The following GABRB2 variants were observed in gnomAD, a reference collection of about 807,000 sequenced individuals.
GABRB2 encodes the protein gamma-aminobutyric acid type A receptor subunit beta2.
GABRB2 carries 16 observed loss-of-function variants against 54.7 expected under a neutral mutation model. The ratio of observed to expected loss-of-function variants is 0.29; its 90% CI spans 0.20 to 0.44. The LOEUF is 0.44. GABRB2 is among the 20% of genes least tolerant of loss of function. GABRB2 has a pLI of 1.00. For missense variants in GABRB2, 355 were observed against 644.0 expected, an observed-to-expected ratio of 0.55 and a Z score of 4.86; for synonymous variants, 244 against 233.8, an observed-to-expected ratio of 1.04 and a Z score of -0.40.
intron 3 of GABRB2, among the ~76,000 whole-genome samples, chr5:161,515,006 T>A (rs1199971224): frequency 6.6e-6 from 1 of 152,188 alleles, no homozygotes; most frequent in Non-Finnish European, 1.5e-5. Context: ...TTCATCCGTA[T>A]TTGTCAATGC....
chr5:161,529,613 T>C (rs563791877), intron 3 of GABRB2, among the ~76,000 whole-genome samples: 32 of 152,056 alleles, frequency 2.1e-4, no homozygotes, highest in Non-Finnish European at 4.7e-4. Flanking sequence ...TAGGAAATTA[T>C]TTTAAAGTTA....
At chr5:161,322,211 G>A (rs1758231120) in intron 9 of GABRB2, among the ~76,000 whole-genome samples, 1 of 151,980 alleles carries the variant, frequency 6.6e-6, no homozygotes, top group Non-Finnish European at 1.5e-5. Flanking sequence ...GCATATAGTA[G>A]GTATTCAAGA....
chr5:161,356,875 T>A (rs1238291104), intron 5 of GABRB2, among the ~76,000 whole-genome samples: 1 of 152,206 alleles, frequency 6.6e-6, no homozygotes, highest in Admixed American at 6.5e-5. Context: ...TATTCTGGGA[T>A]GTGTCTGAGA....
chr5:161,331,878 C>T (rs1395380257), intron 7 of GABRB2, among the ~76,000 whole-genome samples: 1 of 151,950 alleles, frequency 6.6e-6, no homozygotes, highest in Non-Finnish European at 1.5e-5. Context: ...GTAAAGAATG[C>T]CAGTTGGCCG....
At chr5:161,433,682 C>T (rs1757234498) in intron 4 of GABRB2, among the ~76,000 whole-genome samples, 1 of 151,312 alleles carries the variant, frequency 6.6e-6, no homozygotes, top group South Asian at 2.1e-4. Flanking sequence ...TATGAATTAC[C>T]CTCTTCTCAT....
chr5:161,518,239 G>T (rs1437459572), intron 3 of GABRB2, among the ~76,000 whole-genome samples: 1 of 152,158 alleles, frequency 6.6e-6, no homozygotes, highest in East Asian at 1.9e-4. Flanking sequence ...TGAACAGTAA[G>T]AATTCCTTTG....
intron 3 of GABRB2, among the ~76,000 whole-genome samples, chr5:161,521,206 G>A (rs1309250571): frequency 6.6e-6 from 1 of 151,850 alleles, no homozygotes; most frequent in African/African-American, 2.4e-5. Flanking sequence ...TTGGCTCTTT[G>A]AAGGAATATA....
intron 5 of GABRB2, among the ~76,000 whole-genome samples, chr5:161,376,431 T>C (rs907180463): frequency 1.3e-5 from 2 of 151,984 alleles, no homozygotes; most frequent in South Asian, 2.1e-4. Flanking sequence ...CCATCAGAGG[T>C]AAAGTGGAAA....
intron 5 of GABRB2, among the ~76,000 whole-genome samples, chr5:161,392,320 A>C (rs973584023): frequency 6.6e-6 from 1 of 152,234 alleles, no homozygotes; most frequent in African/African-American, 2.4e-5. Context: ...CCTCTTCTTC[A>C]TATGGAAATG....
chr5:161,437,059 G>A (rs554650706), intron 4 of GABRB2, among the ~76,000 whole-genome samples: 1 of 152,266 alleles, frequency 6.6e-6, no homozygotes, highest in South Asian at 2.1e-4. Context: ...AGGCAGTCTA[G>A]GCCATAAGGA....
chr5:161,355,156 T>C (rs1699179964), intron 5 of GABRB2, among the ~76,000 whole-genome samples: 2 of 151,816 alleles, frequency 1.3e-5, no homozygotes, highest in Non-Finnish European at 2.9e-5. Flanking sequence ...TGGTTGATTT[T>C]CTTTATAGTT....
intron 5 of GABRB2, among the ~76,000 whole-genome samples, chr5:161,396,159 A>G (rs900855546): frequency 4.6e-5 from 7 of 152,220 alleles, no homozygotes; most frequent in Admixed American, 1.3e-4. Context: ...CAAAAAGCTT[A>G]AAATACCAGA....
At chr5:161,505,251 C>T (rs1313955093) in intron 3 of GABRB2, among the ~76,000 whole-genome samples, 1 of 151,992 alleles carries the variant, frequency 6.6e-6, no homozygotes, top group Non-Finnish European at 1.5e-5. Context: ...GCCTCAGCCT[C>T]CCGAGAGGAG....
intron 3 of GABRB2, among the ~76,000 whole-genome samples, chr5:161,511,842 T>A (rs1416394986): frequency 6.6e-6 from 1 of 152,038 alleles, no homozygotes; most frequent in East Asian, 1.9e-4. Context: ...CTGGTCATAC[T>A]GAATTAGGAG....
At chr5:161,328,534 A>T (rs990686023) in intron 8 of GABRB2, among the ~76,000 whole-genome samples, 14 of 150,984 alleles carry the variant, frequency 9.3e-5, no homozygotes, top group African/African-American at 3.4e-4. Flanking sequence ...CAGTTGTTAA[A>T]TGGGAAGGTA....
chr5:161,425,067 T>A (rs1220584144), intron 4 of GABRB2, among the ~76,000 whole-genome samples: 5 of 152,128 alleles, frequency 3.3e-5, no homozygotes, highest in Non-Finnish European at 7.4e-5. Flanking sequence ...GATGAAACTT[T>A]AAGGATTGAG....
intron 9 of GABRB2, among the ~76,000 whole-genome samples, chr5:161,316,288 AATTT>A (rs1226677659): frequency 1.3e-5 from 2 of 152,164 alleles, no homozygotes; most frequent in African/African-American, 4.8e-5. Flanking sequence ...GTAGATAATT[AATTT>A]GTCTTCGTGA....
chr5:161,402,996 G>C (rs1233085238), intron 5 of GABRB2, among the ~76,000 whole-genome samples: 2 of 152,154 alleles, frequency 1.3e-5, no homozygotes, highest in Non-Finnish European at 2.9e-5. Flanking sequence ...CAGCAAGGTT[G>C]AGAACGTATG....
intron 3 of GABRB2, among the ~76,000 whole-genome samples, chr5:161,506,590 A>G (rs987877898): frequency 1.3e-5 from 2 of 152,152 alleles, no homozygotes; most frequent in Non-Finnish European, 2.9e-5. Context: ...ATCTATGGCT[A>G]TTGTCATGCT....
Sources: allele counts gnomAD v4.1 joint callset (sites outside exome capture counted in the v4.1 genomes callset), GRCh38; gene constraint gnomAD v4.1.1; transcripts MANE v1.5; gene names NCBI Gene and HGNC (gene_info 2026-07-23, HGNC 2026-07-21).